The following NIPBL variants were observed in gnomAD, a reference collection of about 807,000 sequenced individuals.
The protein encoded by NIPBL is NIPBL cohesin loading factor.
NIPBL carries 19 observed loss-of-function variants against 321.8 expected under a neutral mutation model. That is an observed-to-expected ratio of 0.06 (90% CI 0.04 to 0.09). The LOEUF is 0.09. Ranked by LOEUF, NIPBL falls within the 10% of genes least tolerant of loss-of-function variation. The pLI, the probability that NIPBL is intolerant of heterozygous loss-of-function variation, is 1.00. For synonymous variants in NIPBL, 1,106 were observed against 1,114.1 expected (o/e 0.99, Z 0.14); for missense variants, 2,210 against 3,327.0 (o/e 0.66, Z 8.26).
chr5:36,919,525 T>C (rs1748753385), intron 1 of NIPBL, among the ~76,000 whole-genome samples: 1 of 152,134 alleles, frequency 6.6e-6, no homozygotes, highest in Non-Finnish European at 1.5e-5. Context: ...TACCATGTGC[T>C]TCTGTGAACT....
At position 37,013,415 on chromosome 5, in the gene NIPBL, G is replaced by A. The variant is rs561663955; in HGVS notation, c.4561-1268G>A. 5.9e-5 allele frequency among the ~76,000 whole-genome samples: 9 copies of A among 151,262 alleles called. No homozygotes were observed. The East Asian group carries it at 1.6e-3, about 26-fold the overall frequency. On this transcript the variant is annotated intron_variant, in intron 21 of 46. Transcript: ENST00000282516. ...AGACGCTCCTCACTTCCCAGACAGG[G>A]TGGCTGCTGGGCGGAGGGGCTCCTC...
chr5:36,917,286 T>C (rs1748539438), intron 1 of NIPBL, among the ~76,000 whole-genome samples: 1 of 152,250 alleles, frequency 6.6e-6, no homozygotes, highest in African/African-American at 2.4e-5. Flanking sequence ...TGCATAAATG[T>C]CTTCTTTTGA....
At position 36,886,421 on chromosome 5, in the gene NIPBL, A is replaced by G. The variant is rs1020999475; in HGVS notation, c.-80+9243A>G. ...AGCAGCAACTCCATGCAAACTATCC[A>G]AAAGACCACCACCCGCTGGATAGTG... On this transcript the variant is annotated intron_variant, in intron 1 of 46. Transcript: ENST00000282516. 8.1e-6 allele frequency: 6 copies of G among 739,190 alleles called. No homozygotes were observed. The Admixed American group carries it at 1.1e-4, about 13-fold the overall frequency. 45.8% of individuals were successfully genotyped at this position (739,190 alleles called of 1,614,324 possible).
chr5:36,876,968 GT>G lies in NIPBL; in HGVS notation c.-287del, dbSNP rs1745106654. On this transcript the variant is annotated 5_prime_UTR_variant, in exon 1 of 47. Coordinates refer to ENST00000282516, the MANE Select transcript of NIPBL (RefSeq NM_133433.4). ...CGGTAGCTCGGGCCCGTGGTCGGGTGTTTGTGAGTGTTTCTATGTGGGAGAA... is the reference window on the plus strand; with the variant it reads ...CGGTAGCTCGGGCCCGTGGTCGGGTGTTGTGAGTGTTTCTATGTGGGAGAA... The G allele has an allele frequency of 1.0e-5, 4 of 395,376 alleles. No homozygotes were observed. Among genetic ancestry groups the G allele is most frequent in the Non-Finnish European group, 1.8e-5 (4 of 223,890 alleles). 24.5% of individuals were successfully genotyped at this position (395,376 alleles called of 1,614,324 possible).
chr5:37,052,013 C>T, intron 41 of NIPBL, 127 bp downstream of exon 41: 1 of 758,058 alleles, frequency 1.3e-6, no homozygotes, highest in Non-Finnish European at 2.3e-6. Context: ...ATCTTCTAAA[C>T]ATGCAACTAA....
intron 1 of NIPBL, among the ~76,000 whole-genome samples, chr5:36,932,722 T>C (rs1749862635): frequency 6.6e-6 from 1 of 151,940 alleles, no homozygotes; most frequent in Non-Finnish European, 1.5e-5. Context: ...ATTCTTCCTT[T>C]ACTGCCTTCT....
At chr5:36,894,451 A>T (rs897101106) in intron 1 of NIPBL, among the ~76,000 whole-genome samples, 2 of 152,172 alleles carry the variant, frequency 1.3e-5, no homozygotes, top group South Asian at 4.1e-4. Context: ...ACTTTCAAAA[A>T]TACATGTATA....
At chr5:36,917,189 C>T (rs543836919) in intron 1 of NIPBL, among the ~76,000 whole-genome samples, 6 of 151,844 alleles carry the variant, frequency 4.0e-5, no homozygotes, top group African/African-American at 1.4e-4. Context: ...TAGTGGATCG[C>T]CATTCTAATT....
intron 10 of NIPBL, among the ~76,000 whole-genome samples, chr5:36,988,867 G>A (rs1245205940): frequency 6.6e-6 from 1 of 152,068 alleles, no homozygotes; most frequent in Non-Finnish European, 1.5e-5. Flanking sequence ...AATTTTGATT[G>A]TGTGATAGAG....
At chr5:36,973,836 C>T (rs1743158883) in intron 8 of NIPBL, among the ~76,000 whole-genome samples, 1 of 152,128 alleles carries the variant, frequency 6.6e-6, no homozygotes, top group African/African-American at 2.4e-5. Context: ...TTCTTGCCCC[C>T]TACCCTCCAA....
intron 38 of NIPBL, among the ~76,000 whole-genome samples, chr5:37,047,912 T>C (rs1356446511): frequency 6.6e-6 from 1 of 152,228 alleles, no homozygotes; most frequent in African/African-American, 2.4e-5. Context: ...GGCCTTATTA[T>C]AATGCCATAT....
intron 40 of NIPBL, among the ~76,000 whole-genome samples, chr5:37,049,648 A>G (rs1753319501): frequency 6.6e-6 from 1 of 152,254 alleles, no homozygotes; most frequent in African/African-American, 2.4e-5. Context: ...GTTTAAAAGT[A>G]TAATCTGTTC....
At chr5:36,954,106 C>T (rs572636305) in intron 2 of NIPBL, among the ~76,000 whole-genome samples, 2 of 152,110 alleles carry the variant, frequency 1.3e-5, no homozygotes, top group Non-Finnish European at 2.9e-5. Context: ...GCATTTGTAA[C>T]TATAATTCTT....
chr5:36,916,422 C>A (rs1180415544), intron 1 of NIPBL, among the ~76,000 whole-genome samples: 1 of 152,204 alleles, frequency 6.6e-6, no homozygotes, highest in African/African-American at 2.4e-5. Context: ...TGTTTAGTAT[C>A]AGTTGTTTTA....
At chr5:36,957,983 C>CA (rs141750225) in intron 3 of NIPBL, 121 bp from the exon 4 acceptor site, 22,804 of 748,860 alleles carry the variant, frequency 0.03, 1 homozygote, top group Non-Finnish European at 0.036. Flanking sequence ...GACTTCGTCT[C>CA]AAAAAAAAAA....
chr5:36,936,779 A>G (rs1437575772), intron 1 of NIPBL, among the ~76,000 whole-genome samples: 2 of 152,122 alleles, frequency 1.3e-5, no homozygotes, highest in Admixed American at 1.3e-4. Flanking sequence ...CAGACTCCTC[A>G]AAGTTCCATA....
At chr5:36,917,843 G>A (rs1325943660) in intron 1 of NIPBL, among the ~76,000 whole-genome samples, 2 of 152,100 alleles carry the variant, frequency 1.3e-5, no homozygotes, top group African/African-American at 2.4e-5. Flanking sequence ...TAGATGTGTG[G>A]TATTATTTCT....
At chr5:36,982,224 T>A in intron 9 of NIPBL, 2 of 981,224 alleles carry the variant, frequency 2.0e-6, no homozygotes, top group Non-Finnish European at 2.4e-6. Flanking sequence ...GGCTTACAGG[T>A]AATCACTGTC....
At chr5:36,931,226 G>T (rs1749750709) in intron 1 of NIPBL, among the ~76,000 whole-genome samples, 3 of 151,734 alleles carry the variant, frequency 2.0e-5, no homozygotes, top group Middle Eastern at 6.8e-3. Flanking sequence ...TGTTGAGTCT[G>T]TTCTGGTAAT....
Sources: gnomAD v4.1 joint callset for allele counts (sites outside exome capture counted in the v4.1 genomes callset) on GRCh38, gnomAD v4.1.1 for gene constraint, MANE v1.5 for transcripts, NCBI Gene and HGNC (gene_info 2026-07-23, HGNC 2026-07-21) for gene names.